The following GGA2 variants were observed in gnomAD, a reference collection of about 807,000 sequenced individuals.
GGA2 encodes golgi associated, gamma adaptin ear containing, ARF binding protein 2.
Under a neutral mutation model 79.5 loss-of-function variants are expected in GGA2, and 48 were observed. The ratio of observed to expected loss-of-function variants is 0.60; its 90% CI spans 0.48 to 0.77. The LOEUF (loss-of-function observed/expected upper bound fraction) is 0.77. Ranked by LOEUF, GGA2 falls within the 30% of genes least tolerant of loss-of-function variation. The probability of loss-of-function intolerance (pLI) is 0.00; values close to 1 mark genes in which losing one functional copy is unlikely to be tolerated. For missense variants in GGA2, 770 were observed against 774.0 expected, an observed-to-expected ratio of 0.99 and a Z score of 0.06; for synonymous variants, 317 against 302.0, an observed-to-expected ratio of 1.05 and a Z score of -0.51.
rs754772934 is a variant in GGA2 at position 23,479,928 on chromosome 16, G to A, written c.1007-41C>T. 54 of 1,606,676 alleles carry A rather than the reference G, an allele frequency of 3.4e-5. No individual in the cohort carries two copies. In the Middle Eastern group the frequency reaches 3.5e-3, roughly 103 times the overall value. The stretch of plus-strand genomic sequence containing the variant: ...TTAGGAAGAGAAGTCAGTTGGACAT[G>A]AGAGCAAAGTCTCCACATAAATCCT... On this transcript the variant is annotated intron_variant, in intron 10 of 16. Transcript: ENST00000309859.
At chr16:23,497,914 G>A (rs1964876152) in intron 1 of GGA2, among the ~76,000 whole-genome samples, 1 of 152,274 alleles carries the variant, frequency 6.6e-6, no homozygotes, top group South Asian at 2.1e-4. Context: ...CAGGAGGACC[G>A]CTTGAGCCTA....
intron 2 of GGA2, 128 bp downstream of exon 2, chr16:23,495,566 G>C (rs1964844181): frequency 2.1e-6 from 1 of 485,104 alleles, no homozygotes. Flanking sequence ...CAAACTGTTG[G>C]GATTATAGGC....
chr16:23,509,886 C>T (rs574577376), intron 1 of GGA2, among the ~76,000 whole-genome samples: 9 of 151,922 alleles, frequency 5.9e-5, no homozygotes, highest in African/African-American at 2.2e-4. Context: ...AAACAGACTG[C>T]ATGTCTTGCA....
intron 3 of GGA2, chr16:23,493,752 G>A (rs1964819871): frequency 8.3e-6 from 3 of 363,386 alleles, no homozygotes; most frequent in Non-Finnish European, 1.5e-5. Flanking sequence ...GGAGAAAGTG[G>A]CTAAAGAACC....
intron 11 of GGA2, 100 bp from the exon 12 acceptor site, chr16:23,479,011 C>G: frequency 1.2e-6 from 1 of 866,358 alleles, no homozygotes; most frequent in Non-Finnish European, 2.0e-6. Context: ...TCCAGAAAGT[C>G]TAGACAAATA....
rs778321014 is a variant in GGA2 at position 23,478,519 on chromosome 16, G to C, written c.1159-18C>G. 6.2e-7 allele frequency: 1 copy of C among 1,601,526 alleles called. No individual in the cohort carries two copies. The highest frequency in any genetic ancestry group is 8.5e-7 in the Non-Finnish European group (1 of 1,171,314). On this transcript the variant is annotated intron_variant, in intron 12 of 16. Transcript: ENST00000309859. ...CCAGAAACCTGTCAAATCAGGAATG[G>C]CTAAAATAAGACCAGGGTATGAATG... is the stretch of plus-strand genomic sequence containing the variant.
chr16:23,504,811 T>C (rs1964956736), intron 1 of GGA2, among the ~76,000 whole-genome samples: 1 of 152,222 alleles, frequency 6.6e-6, no homozygotes, highest in African/African-American at 2.4e-5. Context: ...TGCTGAGAAA[T>C]AGCACTGCTG....
At position 23,471,137 on chromosome 16, in the gene GGA2, G is replaced by A. The variant is rs556485632; in HGVS notation, c.1451-972C>T. On this transcript the variant is annotated intron_variant, in intron 14 of 16. Coordinates refer to ENST00000309859, the MANE Select transcript of GGA2 (RefSeq NM_015044.4). ...ATTACAGGCGTGAGCCACTGCACCC[G>A]GCCAATGCATTCTTAATTCTACCCA... 3.3e-5 allele frequency among the ~76,000 whole-genome samples: 5 copies of A among 151,902 alleles called. No homozygotes were observed. The South Asian group carries it at 1.0e-3, about 32-fold the overall frequency.
intron 9 of GGA2, 60 bp downstream of exon 9, chr16:23,482,863 G>A (rs1014310092): frequency 1.5e-5 from 14 of 960,946 alleles, no homozygotes; most frequent in Non-Finnish European, 2.2e-5. Context: ...AGTGTGACAG[G>A]AGGGACCGAG....
At chr16:23,497,271 C>A (rs892071491) in intron 1 of GGA2, among the ~76,000 whole-genome samples, 4 of 152,098 alleles carry the variant, frequency 2.6e-5, no homozygotes, top group African/African-American at 9.7e-5. Context: ...ACATTATTAT[C>A]CTCCTGGCCC....
rs747590538 is a variant in GGA2 at position 23,486,131 on chromosome 16, CCTT to C, written c.679_681del (p.Lys227del). 3 of 1,613,974 alleles carry C rather than the reference CCTT, an allele frequency of 1.9e-6. No homozygotes were observed. Among genetic ancestry groups the C allele is most frequent in the Non-Finnish European group, 2.5e-6 (3 of 1,179,846 alleles). On this transcript the variant is annotated inframe_deletion, in exon 8 of 17. Coordinates refer to ENST00000309859, the MANE Select transcript of GGA2 (RefSeq NM_015044.4). The stretch of plus-strand genomic sequence containing the variant: ...TCCACCGCACTGACCCTCTTGGACA[CCTT>C]CTCCGATTTTTCTTGTTCCTTTTGG...
chr16:23,516,582 A>G (rs1965104825), intron 2 of GGA2, among the ~76,000 whole-genome samples: 1 of 152,032 alleles, frequency 6.6e-6, no homozygotes, highest in Non-Finnish European at 1.5e-5. Flanking sequence ...CAATCTGCTC[A>G]TGTCATTTCC....
chr16:23,512,273 A>AG (rs1202841336), upstream of GGA2, among the ~76,000 whole-genome samples: 8 of 152,172 alleles, frequency 5.3e-5, no homozygotes, highest in Non-Finnish European at 1.0e-4. Flanking sequence ...CCCTTCCCCT[A>AG]GCAACCTCCA....
At chr16:23,474,833 T>G (rs1964556132) in intron 14 of GGA2, 71 bp downstream of exon 14, 3 of 1,135,526 alleles carry the variant, frequency 2.6e-6, no homozygotes, top group African/African-American at 3.2e-5. Context: ...CAAACTGGAG[T>G]GGAAAAAGCT....
rs376848364 is a variant in GGA2 at position 23,503,670 on chromosome 16, C to A, written c.91+6651G>T. Among the ~76,000 whole-genome samples the A allele has an allele frequency of 3.9e-5, 6 of 152,188 alleles. No individual in the cohort carries two copies. In the East Asian group the frequency reaches 5.8e-4, roughly 15 times the overall value. On this transcript the variant is annotated intron_variant, in intron 1 of 16. Transcript: ENST00000309859. ...AGAACTTAAAATGTTGTGTAAAATA[C>A]TTCGTGCCCTGCACTTTAGCTCCAC... is the stretch of plus-strand genomic sequence containing the variant.
intron 6 of GGA2, among the ~76,000 whole-genome samples, chr16:23,487,188 GCCAGGATGGT>G (rs1567364046): frequency 1.3e-5 from 2 of 152,062 alleles, no homozygotes; most frequent in African/African-American, 2.4e-5. Context: ...CACCATGTTG[GCCAGGATGGT>G]CTCAATCTCT....
intron 1 of GGA2, among the ~76,000 whole-genome samples, chr16:23,503,087 T>C (rs1202276910): frequency 2.0e-5 from 3 of 152,140 alleles, no homozygotes; most frequent in Non-Finnish European, 4.4e-5. Flanking sequence ...AGTGAGGGAG[T>C]GGCTCTCTGG....
At position 23,463,737 on chromosome 16, in the gene GGA2, G is replaced by C. The variant is rs927228273; in HGVS notation, c.*3853C>G. 2.0e-5 allele frequency: 3 copies of C among 152,266 alleles called. No individual in the cohort carries two copies. The highest frequency in any genetic ancestry group is 1.3e-4 in the Admixed American group (2 of 15,258). The allele number at this position is 152,266 out of a possible 1,614,324, so 9.4% of individuals were successfully genotyped here. A position where few individuals can be genotyped will look rare whatever the true frequency, so the allele number is the denominator to read the frequency against. Reference sequence around the variant, plus strand: ...TGCCTGTAATCCCAGCACTTTGGGAGGTCAAGGCAGGAGGACTGCTTGAGC... The same window carrying C: ...TGCCTGTAATCCCAGCACTTTGGGACGTCAAGGCAGGAGGACTGCTTGAGC... On this transcript the variant is annotated 3_prime_UTR_variant, in exon 17 of 17. Transcript: ENST00000309859.
At chr16:23,495,807 T>G (rs1283625565) in intron 1 of GGA2, 29 bp from the exon 2 acceptor site, 1 of 1,473,858 alleles carries the variant, frequency 6.8e-7, no homozygotes, top group East Asian at 2.3e-5. Flanking sequence ...AGTTAGAGAG[T>G]ACATAATAGG....
Sources: gnomAD v4.1 joint callset for allele counts (sites outside exome capture counted in the v4.1 genomes callset) on GRCh38, gnomAD v4.1.1 for gene constraint, MANE v1.5 for transcripts, NCBI Gene and HGNC (gene_info 2026-07-23, HGNC 2026-07-21) for gene names.